CPQ: variants seen among roughly 807,000 people sequenced by gnomAD.
The protein encoded by CPQ is carboxypeptidase Q.
Under a neutral mutation model 45.7 loss-of-function variants are expected in CPQ, and 37 were observed. The ratio of observed to expected loss-of-function variants is 0.81; its 90% confidence interval spans 0.62 to 1.07. The LOEUF is 1.07. Ranked by LOEUF, CPQ falls within the 50% of genes least tolerant of loss-of-function variation. The pLI, the probability that CPQ is intolerant of heterozygous loss-of-function variation, is 0.00. For synonymous variants in CPQ, 186 were observed against 205.8 expected, an observed-to-expected ratio of 0.90 and a Z score of 0.82; for missense variants, 537 against 572.9, an observed-to-expected ratio of 0.94 and a Z score of 0.64.
At chr8:96,753,962 C>T (rs1189225589) in intron 1 of CPQ, among the ~76,000 whole-genome samples, 1 of 151,572 alleles carries the variant, frequency 6.6e-6, no homozygotes, top group African/African-American at 2.4e-5. Flanking sequence ...ATCTTTTGTT[C>T]TTTTTTTAAA....
intron 7 of CPQ, among the ~76,000 whole-genome samples, chr8:97,101,456 G>T (rs1335451541): frequency 6.6e-6 from 1 of 151,010 alleles, no homozygotes; most frequent in Non-Finnish European, 1.5e-5. Context: ...TACTATATAT[G>T]TAGAAGATAT....
chr8:96,738,346 G>C (rs1012836907), intron 1 of CPQ, among the ~76,000 whole-genome samples: 3 of 151,972 alleles, frequency 2.0e-5, no homozygotes, highest in Non-Finnish European at 4.4e-5. Context: ...TTTCTCTGTA[G>C]TCCAGATATT....
chr8:97,123,081 T>TAAATA lies in CPQ; in HGVS notation c.1256-19921_1256-19917dup, dbSNP rs1193815735. On this transcript the variant is annotated intron_variant, in intron 7 of 7. Coordinates refer to ENST00000220763, the MANE Select transcript of CPQ (RefSeq NM_016134.4). ...ATAAAATAAAAAAAATAAAATAAAA[T>TAAATA]AAATAAAATAAAATAAAATAAATAA... Among the ~76,000 whole-genome samples the TAAATA allele has an allele frequency of 4.4e-3, 100 of 22,532 alleles. 5 individuals carry two copies. Among genetic ancestry groups the TAAATA allele is most frequent in the Non-Finnish European group, 8.5e-3 (79 of 9,326 alleles). 14.8% of individuals were successfully genotyped at this position (22,532 alleles called of 152,430 possible).
intron 7 of CPQ, among the ~76,000 whole-genome samples, chr8:97,068,167 A>G (rs1001963065): frequency 6.6e-6 from 1 of 152,120 alleles, no homozygotes; most frequent in African/African-American, 2.4e-5. Flanking sequence ...TTTCCTTCAC[A>G]TGTACGTGTT....
intron 4 of CPQ, among the ~76,000 whole-genome samples, chr8:96,924,717 G>C (rs1356148365): frequency 6.6e-6 from 1 of 152,132 alleles, no homozygotes; most frequent in Non-Finnish European, 1.5e-5. Context: ...ATTTAAACCA[G>C]GCTAGATACT....
intron 2 of CPQ, among the ~76,000 whole-genome samples, chr8:96,799,138 G>A (rs1367934141): frequency 6.6e-6 from 1 of 152,152 alleles, no homozygotes; most frequent in Non-Finnish European, 1.5e-5. Flanking sequence ...AGAAAGAGAA[G>A]GATAAATAAA....
At chr8:97,043,085 G>T (rs1810161557) in intron 6 of CPQ, among the ~76,000 whole-genome samples, 1 of 151,968 alleles carries the variant, frequency 6.6e-6, no homozygotes, top group Admixed American at 6.6e-5. Context: ...TGACAGTGGG[G>T]TGTTAAAGTC....
At chr8:96,902,389 T>C (rs1319802886) in intron 4 of CPQ, among the ~76,000 whole-genome samples, 1 of 152,214 alleles carries the variant, frequency 6.6e-6, no homozygotes, top group Non-Finnish European at 1.5e-5. Flanking sequence ...TGGCTGAGCC[T>C]GACTTCAAAC....
chr8:97,050,905 G>A (rs1810349590), intron 6 of CPQ, among the ~76,000 whole-genome samples: 1 of 152,070 alleles, frequency 6.6e-6, no homozygotes, highest in Non-Finnish European at 1.5e-5. Context: ...GAACAGAATA[G>A]CTTGGTATAT....
chr8:96,793,931 T>A (rs1478756291), intron 2 of CPQ, among the ~76,000 whole-genome samples: 1 of 152,230 alleles, frequency 6.6e-6, no homozygotes, highest in African/African-American at 2.4e-5. Flanking sequence ...GTCATGCCAA[T>A]GCAAAATGTG....
chr8:96,815,355 C>T (rs1263877065), intron 2 of CPQ, among the ~76,000 whole-genome samples: 1 of 151,950 alleles, frequency 6.6e-6, no homozygotes, highest in Non-Finnish European at 1.5e-5. Context: ...CTCATTTCAT[C>T]CAAACAACAT....
intron 4 of CPQ, among the ~76,000 whole-genome samples, chr8:96,880,530 T>G: frequency 1.8e-4 from 1 of 5,494 alleles, no homozygotes; most frequent in African/African-American, 1.1e-3. Flanking sequence ...TATATATATA[T>G]ATATATATAT....
chr8:96,673,316 T>G (rs1809031392), intron 1 of CPQ, among the ~76,000 whole-genome samples: 1 of 152,000 alleles, frequency 6.6e-6, no homozygotes, highest in Admixed American at 6.6e-5. Flanking sequence ...CATCTAGAGG[T>G]TTCCCATTGG....
chr8:96,819,576 A>G (rs528197145), intron 2 of CPQ, among the ~76,000 whole-genome samples: 9 of 152,198 alleles, frequency 5.9e-5, no homozygotes, highest in African/African-American at 2.2e-4. Flanking sequence ...TGTGGTGGAG[A>G]AGGATTTTCT....
chr8:96,746,155 A>G (rs1291650412), intron 1 of CPQ, among the ~76,000 whole-genome samples: 3 of 152,160 alleles, frequency 2.0e-5, no homozygotes. Context: ...ATGAAAGTCT[A>G]TTTGGCCTGT....
intron 7 of CPQ, among the ~76,000 whole-genome samples, chr8:97,119,974 G>A (rs1471066117): frequency 1.3e-5 from 2 of 152,314 alleles, no homozygotes; most frequent in African/African-American, 2.4e-5. Context: ...TAGCACATAA[G>A]CTGGTTTACA....
chr8:97,051,177 G>T lies in CPQ; in HGVS notation c.1054-14832G>T, dbSNP rs187945683. Among the ~76,000 whole-genome samples the T allele has an allele frequency of 8.5e-5, 13 of 152,248 alleles. No individual in the cohort carries two copies. In the East Asian group the frequency reaches 2.3e-3, roughly 27 times the overall value. On this transcript the variant is annotated intron_variant, in intron 6 of 7. Transcript: ENST00000220763. ...TAATAAAGCTACCATTTGCCCAACA[G>T]AGGTTCTTGACCATTGCTGTGCCAC...
At chr8:96,687,061 T>A (rs1586359127) in intron 1 of CPQ, among the ~76,000 whole-genome samples, 1 of 152,246 alleles carries the variant, frequency 6.6e-6, no homozygotes, top group Non-Finnish European at 1.5e-5. Flanking sequence ...TTAAAAATGT[T>A]TTGGCGAGTT....
chr8:96,871,713 A>C (rs996188064), intron 3 of CPQ, among the ~76,000 whole-genome samples: 4 of 151,778 alleles, frequency 2.6e-5, no homozygotes, highest in Non-Finnish European at 5.9e-5. Flanking sequence ...TTCAATCTCT[A>C]TCCTGTGTGT....
Sources: allele counts gnomAD v4.1 joint callset (sites outside exome capture counted in the v4.1 genomes callset), GRCh38; gene constraint gnomAD v4.1.1; transcripts MANE v1.5; gene names NCBI Gene and HGNC (gene_info 2026-07-23, HGNC 2026-07-21).